The following MYO16 variants were observed in gnomAD, a reference collection of about 807,000 sequenced individuals.
The protein encoded by MYO16 is myosin XVI, also known as unconventional myosin-XVI.
MYO16 carries 94 observed loss-of-function variants against 205.3 expected under a neutral mutation model. The ratio of observed to expected loss-of-function variants is 0.46; its 90% CI spans 0.39 to 0.54. MYO16 has a LOEUF of 0.54. MYO16 is among the 20% of genes least tolerant of loss of function. The pLI is 0.00. For synonymous variants in MYO16, 988 were observed against 954.0 expected (o/e 1.04, Z -0.66); for missense variants, 2,315 against 2,387.5 (o/e 0.97, Z 0.63).
intron 1 of MYO16, among the ~76,000 whole-genome samples, chr13:108,614,380 A>G (rs1490090772): frequency 1.3e-5 from 2 of 152,078 alleles, no homozygotes; most frequent in Non-Finnish European, 2.9e-5. Context: ...ATTATATTGG[A>G]AAGATGGCAA....
At chr13:108,750,177 G>A (rs1885187182) in intron 4 of MYO16, among the ~76,000 whole-genome samples, 1 of 152,216 alleles carries the variant, frequency 6.6e-6, no homozygotes, top group South Asian at 2.1e-4. Flanking sequence ...GTACGATATT[G>A]TGACAGCGGA....
intron 23 of MYO16, among the ~76,000 whole-genome samples, chr13:109,025,272 C>T (rs951876585): frequency 6.6e-6 from 1 of 152,196 alleles, no homozygotes; most frequent in Admixed American, 6.5e-5. Context: ...CCTGAAAGCT[C>T]TGACCAGGAA....
chr13:108,576,067 G>T, the MYO16 span, among the ~76,000 whole-genome samples: 2 of 152,090 alleles, frequency 1.3e-5, no homozygotes, highest in African/African-American at 4.8e-5. Flanking sequence ...TAAAGAAAAA[G>T]GCAAATCTGG....
At chr13:109,117,652 A>T (rs1875790844) in intron 28 of MYO16, among the ~76,000 whole-genome samples, 1 of 151,938 alleles carries the variant, frequency 6.6e-6, no homozygotes, top group African/African-American at 2.4e-5. Context: ...GGAAAGGTGG[A>T]TATCAAAACT....
chr13:108,919,977 G>C (rs895469565), intron 16 of MYO16, among the ~76,000 whole-genome samples: 1 of 152,078 alleles, frequency 6.6e-6, no homozygotes, highest in African/African-American at 2.4e-5. Context: ...ATTTGACTGG[G>C]GACACTGCTT....
At chr13:108,775,288 T>G (rs1886089913) in intron 4 of MYO16, among the ~76,000 whole-genome samples, 1 of 152,242 alleles carries the variant, frequency 6.6e-6, no homozygotes, top group Admixed American at 6.5e-5. Flanking sequence ...ACTGGAGTCT[T>G]TCTTCAGAGG....
intron 2 of MYO16, among the ~76,000 whole-genome samples, chr13:108,708,094 C>T (rs757427623): frequency 5.3e-5 from 8 of 152,070 alleles, no homozygotes; most frequent in Non-Finnish European, 2.9e-5. Context: ...ATTGAGAAGC[C>T]CGGAACTAGC....
At chr13:108,504,970 T>C in the MYO16 span, among the ~76,000 whole-genome samples, 1 of 152,270 alleles carries the variant, frequency 6.6e-6, no homozygotes, top group Non-Finnish European at 1.5e-5. Context: ...ATCTATGTTC[T>C]AGTCTATGAC....
At chr13:109,024,408 ATGCTAAT>A (rs1368080742) in intron 23 of MYO16, among the ~76,000 whole-genome samples, 10 of 152,232 alleles carry the variant, frequency 6.6e-5, no homozygotes, top group Admixed American at 1.3e-4. Context: ...TGTTCAATAA[ATGCTAAT>A]TGCATTAAAG....
At chr13:108,735,250 T>A (rs1025662747) in intron 4 of MYO16, among the ~76,000 whole-genome samples, 1 of 150,224 alleles carries the variant, frequency 6.7e-6, no homozygotes, top group South Asian at 2.1e-4. Flanking sequence ...CTCCTAATGC[T>A]ATCCCCCCTC....
chr13:108,962,328 C>G, intron 18 of MYO16, 96 bp from the exon 19 acceptor site: 1 of 867,886 alleles, frequency 1.2e-6, no homozygotes, highest in Non-Finnish European at 1.8e-6. Flanking sequence ...TTGTAATGTG[C>G]CTATATAAAA....
chr13:108,957,314 G>T (rs905709767), intron 16 of MYO16, among the ~76,000 whole-genome samples: 1 of 150,788 alleles, frequency 6.6e-6, no homozygotes, highest in Non-Finnish European at 1.5e-5. Context: ...AACCTGGGAG[G>T]TGGAGGTTGC....
At chr13:109,076,681 G>C (rs1443157847) in intron 27 of MYO16, among the ~76,000 whole-genome samples, 1 of 152,126 alleles carries the variant, frequency 6.6e-6, no homozygotes. Flanking sequence ...CCATCAGCAG[G>C]GAAATGGTCC....
At chr13:108,890,043 C>T (rs1880089862) in intron 14 of MYO16, among the ~76,000 whole-genome samples, 1 of 151,586 alleles carries the variant, frequency 6.6e-6, no homozygotes, top group East Asian at 1.9e-4. Context: ...GTGATCCTCC[C>T]ACCTCATCCT....
chr13:108,934,255 T>C (rs1473722939), intron 16 of MYO16, among the ~76,000 whole-genome samples: 27 of 152,176 alleles, frequency 1.8e-4, no homozygotes, highest in Non-Finnish European at 2.9e-5. Context: ...CACCAATGTC[T>C]ATTGTTTTTT....
intron 33 of MYO16, among the ~76,000 whole-genome samples, chr13:109,173,624 G>A (rs1461533703): frequency 2.0e-5 from 3 of 152,056 alleles, no homozygotes; most frequent in Non-Finnish European, 4.4e-5. Context: ...GGCCGGGCGC[G>A]GTGGCTCACG....
intron 16 of MYO16, among the ~76,000 whole-genome samples, chr13:108,948,454 C>A (rs192306575): frequency 1.3e-5 from 2 of 152,288 alleles, no homozygotes; most frequent in Admixed American, 1.3e-4. Flanking sequence ...TCCCAGCATG[C>A]CTTGGGTACA....
chr13:108,953,039 C>T (rs762862000), intron 16 of MYO16, among the ~76,000 whole-genome samples: 4 of 151,950 alleles, frequency 2.6e-5, no homozygotes, highest in Non-Finnish European at 5.9e-5. Flanking sequence ...CCACTGGCCA[C>T]TGGGAAGTCC....
chr13:108,595,880 C>T (rs945673798), upstream of MYO16, among the ~76,000 whole-genome samples: 1 of 81,344 alleles, frequency 1.2e-5, no homozygotes, highest in Non-Finnish European at 2.6e-5. Flanking sequence ...GAAATTAAGT[C>T]CTTTTTTTTT....
Sources: gnomAD v4.1 joint callset for allele counts (sites outside exome capture counted in the v4.1 genomes callset) on GRCh38, gnomAD v4.1.1 for gene constraint, MANE v1.5 for transcripts, NCBI Gene and HGNC (gene_info 2026-07-23, HGNC 2026-07-21) for gene names.